LARS2: variants seen among roughly 807,000 people sequenced by gnomAD.
LARS2 encodes the protein leucine--tRNA ligase, mitochondrial.
Under a neutral mutation model 116.6 loss-of-function variants are expected in LARS2, and 81 were observed. The observed-to-expected ratio is 0.69, with a 90% CI of 0.58 to 0.84. The LOEUF (loss-of-function observed/expected upper bound fraction) is 0.84, where lower values mean the gene tolerates loss of function less well. Among genes scored for constraint, LARS2 ranks in the 40% least tolerant of loss-of-function variants. The pLI, the probability that LARS2 is intolerant of heterozygous loss-of-function variation, is 0.00. For missense variants in LARS2, 968 were observed against 1,114.5 expected (o/e 0.87, Z 1.87); for synonymous variants, 396 against 407.2 (o/e 0.97, Z 0.33).
At chr3:45,437,838 G>A (rs1047213483) in intron 6 of LARS2, among the ~76,000 whole-genome samples, 2 of 128,336 alleles carry the variant, frequency 1.6e-5, no homozygotes, top group African/African-American at 5.3e-5. Context: ...GGAATACATC[G>A]GTGGGGAGAA....
At chr3:45,484,677 A>G (rs1699774749) in intron 10 of LARS2, among the ~76,000 whole-genome samples, 1 of 132,714 alleles carries the variant, frequency 7.5e-6, no homozygotes, top group East Asian at 2.3e-4. Flanking sequence ...TTAAATAACA[A>G]TACAATGTAA....
intron 10 of LARS2, among the ~76,000 whole-genome samples, chr3:45,482,167 C>A (rs752931190): frequency 1.3e-5 from 2 of 152,202 alleles, no homozygotes; most frequent in Non-Finnish European, 2.9e-5. Context: ...GAAAACATTT[C>A]TGTGTTTTCA....
At chr3:45,430,330 G>A (rs1484638622) in intron 6 of LARS2, among the ~76,000 whole-genome samples, 1 of 148,320 alleles carries the variant, frequency 6.7e-6, no homozygotes, top group Non-Finnish European at 1.5e-5. Context: ...CCAGGCTGGA[G>A]TACTGTGGCG....
intron 7 of LARS2, 42 bp downstream of exon 7, chr3:45,447,022 C>G (rs1315204444): frequency 8.6e-7 from 1 of 1,159,792 alleles, no homozygotes; most frequent in Non-Finnish European, 1.3e-6. Flanking sequence ...CAGTGAATCT[C>G]TTTAGGATAC....
At chr3:45,416,015 T>C (rs1215039411) in intron 4 of LARS2, among the ~76,000 whole-genome samples, 1 of 151,800 alleles carries the variant, frequency 6.6e-6, no homozygotes, top group Non-Finnish European at 1.5e-5. Context: ...TGGAATACCT[T>C]TTCTGCTGTG....
chr3:45,453,447 T>C (rs1158305144), intron 7 of LARS2, among the ~76,000 whole-genome samples: 1 of 152,256 alleles, frequency 6.6e-6, no homozygotes, highest in Non-Finnish European at 1.5e-5. Flanking sequence ...TCTTTAGCTG[T>C]CTACATGAAT....
At position 45,547,533 on chromosome 3, in the gene LARS2, GC is replaced by G; in HGVS notation, c.*5del. 1 of 1,596,060 alleles carries G rather than the reference GC, an allele frequency of 6.3e-7. No homozygotes were observed. Among genetic ancestry groups the G allele is most frequent in the Non-Finnish European group, 8.5e-7 (1 of 1,172,318 alleles). On this transcript the variant is annotated 3_prime_UTR_variant, in exon 22 of 22. Transcript: ENST00000645846. Reference sequence around the variant, plus strand: ...TCAACTTCCTGGTGCAAGATTGACAGCCAGGAGGCTGCAGCTACCACGAGGG... The same window carrying G: ...TCAACTTCCTGGTGCAAGATTGACAGCAGGAGGCTGCAGCTACCACGAGGG...
In LARS2 at chr3:45,520,083, T is replaced by G. The variant is rs114641494; in HGVS notation, c.2215-136T>G. 1,163 of 643,764 alleles carry G rather than the reference T, an allele frequency of 1.8e-3. 9 individuals are homozygous for G. The African/African-American group carries it at 0.019, about 11-fold the overall frequency. 39.9% of individuals were successfully genotyped at this position (643,764 alleles called of 1,614,324 possible). On this transcript the variant is annotated intron_variant, in intron 18 of 21. Transcript: ENST00000645846. ...TGTGTAGATGAAACATAGCGATTATTTGAGATAGTAGATATATTTATAAAT... is the reference window on the plus strand; with the variant it reads ...TGTGTAGATGAAACATAGCGATTATGTGAGATAGTAGATATATTTATAAAT...
intron 20 of LARS2, chr3:45,541,587 G>A (rs1169517911): frequency 2.0e-6 from 1 of 507,468 alleles, no homozygotes; most frequent in Non-Finnish European, 3.5e-6. Context: ...GCACACTTTA[G>A]AATGGCTTAT....
At chr3:45,399,780 T>C (rs1164330897) in intron 3 of LARS2, among the ~76,000 whole-genome samples, 3 of 152,054 alleles carry the variant, frequency 2.0e-5, no homozygotes, top group Admixed American at 2.0e-4. Context: ...TCTTTTATCC[T>C]TCACCCCCCT....
intron 4 of LARS2, among the ~76,000 whole-genome samples, chr3:45,412,949 C>T (rs1028430955): frequency 6.6e-6 from 1 of 152,198 alleles, no homozygotes; most frequent in African/African-American, 2.4e-5. Flanking sequence ...ATGGACTGCT[C>T]CTGGTCCAAT....
chr3:45,535,745 TACACAC>T (rs950202930), intron 20 of LARS2, among the ~76,000 whole-genome samples: 1 of 47,216 alleles, frequency 2.1e-5, no homozygotes, highest in Admixed American at 3.7e-4. Context: ...TATGCTAAGT[TACACAC>T]ACACACACAC....
At chr3:45,418,087 A>T (rs1433890417) in intron 5 of LARS2, among the ~76,000 whole-genome samples, 1 of 152,090 alleles carries the variant, frequency 6.6e-6, no homozygotes, top group African/African-American at 2.4e-5. Context: ...TCGCAATCCC[A>T]CCCAAGCCTC....
At chr3:45,430,030 G>A (rs1204009627) in intron 6 of LARS2, among the ~76,000 whole-genome samples, 1 of 2,134 alleles carries the variant, frequency 4.7e-4, no homozygotes, top group Non-Finnish European at 1.8e-3. Context: ...TTTTTTTTTT[G>A]AGACAGAGTC....
intron 15 of LARS2, among the ~76,000 whole-genome samples, chr3:45,509,845 C>T (rs1045678892): frequency 6.6e-6 from 1 of 151,916 alleles, no homozygotes; most frequent in East Asian, 1.9e-4. Context: ...GGGCATTCCC[C>T]TGCTCTCATT....
intron 7 of LARS2, among the ~76,000 whole-genome samples, chr3:45,457,256 C>T (rs552257601): frequency 4.6e-5 from 7 of 152,314 alleles, no homozygotes; most frequent in East Asian, 3.9e-4. Context: ...TGAACCCAAC[C>T]GGAAGATAAG....
chr3:45,535,925 C>T (rs1700698765), intron 20 of LARS2, among the ~76,000 whole-genome samples: 1 of 152,108 alleles, frequency 6.6e-6, no homozygotes, highest in Non-Finnish European at 1.5e-5. Flanking sequence ...CACAGGACCT[C>T]ACATAGGACC....
intron 19 of LARS2, among the ~76,000 whole-genome samples, chr3:45,522,859 C>G (rs1042215612): frequency 6.6e-6 from 1 of 151,750 alleles, no homozygotes; most frequent in Admixed American, 6.6e-5. Flanking sequence ...CGAGACCAGC[C>G]TGAGCAATAT....
intron 8 of LARS2, among the ~76,000 whole-genome samples, chr3:45,463,377 A>G (rs937407924): frequency 1.3e-5 from 2 of 152,190 alleles, no homozygotes; most frequent in Non-Finnish European, 2.9e-5. Context: ...CAACCCCCAT[A>G]CCAAATTGGT....
Sources: allele counts gnomAD v4.1 joint callset (sites outside exome capture counted in the v4.1 genomes callset), GRCh38; gene constraint gnomAD v4.1.1; transcripts MANE v1.5; gene names NCBI Gene and HGNC (gene_info 2026-07-23, HGNC 2026-07-21).